CSGALNACT1: variants seen among roughly 807,000 people sequenced by gnomAD.
CSGALNACT1 encodes beta4GalNAcT-1.
In CSGALNACT1, 52 loss-of-function variants were observed where a neutral mutation model predicts 51.0. That is an observed-to-expected ratio of 1.02 (90% CI 0.82 to 1.29). The LOEUF (loss-of-function observed/expected upper bound fraction) is 1.29, where lower values mean the gene tolerates loss of function less well. Among genes scored for constraint, CSGALNACT1 ranks in the 50% most tolerant of loss-of-function variants. CSGALNACT1 has a pLI of 0.00. For missense variants in CSGALNACT1, 935 were observed against 679.2 expected (o/e 1.38, Z -4.19); for synonymous variants, 341 against 254.4 (o/e 1.34, Z -3.24).
At chr8:19,661,854 G>C (rs1317716188) in intron 1 of CSGALNACT1, among the ~76,000 whole-genome samples, 1 of 152,006 alleles carries the variant, frequency 6.6e-6, no homozygotes, top group African/African-American at 2.4e-5. Context: ...CCAGTGTCTG[G>C]GCCTCTATGT....
chr8:19,695,413 G>A (rs1217949427), intron 1 of CSGALNACT1, among the ~76,000 whole-genome samples: 1 of 152,148 alleles, frequency 6.6e-6, no homozygotes, highest in Admixed American at 6.5e-5. Context: ...CTAATTAGCT[G>A]TGCGGCCAGA....
At chr8:19,505,757 G>C (rs769975856) in exon 4 of CSGALNACT1, 2 of 1,614,138 alleles carry the variant, frequency 1.2e-6, no homozygotes, top group East Asian at 4.5e-5. Flanking sequence ...ACAGGACAGA[G>C]ATAGCACAGC....
intron 1 of CSGALNACT1, among the ~76,000 whole-genome samples, chr8:19,640,708 T>C (rs1252591019): frequency 6.6e-6 from 1 of 152,228 alleles, no homozygotes; most frequent in Non-Finnish European, 1.5e-5. Context: ...AGTTTTTCCA[T>C]GAAATTTGGT....
intron 1 of CSGALNACT1, among the ~76,000 whole-genome samples, chr8:19,750,163 C>T (rs922865804): frequency 9.9e-5 from 15 of 152,206 alleles, no homozygotes; most frequent in African/African-American, 3.6e-4. Flanking sequence ...AAAATAGCTT[C>T]TCCCTTACCC....
intron 1 of CSGALNACT1, among the ~76,000 whole-genome samples, chr8:19,610,289 CAAAAAAAA>C (rs58262538): frequency 6.3e-5 from 3 of 47,656 alleles, no homozygotes; most frequent in African/African-American, 1.7e-4. Context: ...GACTCCGTCT[CAAAAAAAA>C]AAAAAAAAAA....
chr8:19,538,405 A>T (rs1317482633), intron 3 of CSGALNACT1, among the ~76,000 whole-genome samples: 1 of 152,212 alleles, frequency 6.6e-6, no homozygotes, highest in East Asian at 1.9e-4. Flanking sequence ...AGACATGAAC[A>T]GACATTTCAC....
At chr8:19,408,949 A>AACACACACACAAACACACACACACAC (rs2054970713) in intron 8 of CSGALNACT1, among the ~76,000 whole-genome samples, 1 of 142,216 alleles carries the variant, frequency 7.0e-6, no homozygotes, top group Non-Finnish European at 1.5e-5. Context: ...TAGATATGAA[A>AACACACACACAAACACACACACACAC]ACACACACAC....
chr8:19,513,436 C>CTCTATATATATATATA lies in CSGALNACT1; in HGVS notation c.-296-7307_-296-7306insTATATATATATATAGA. 4.0e-3 allele frequency among the ~76,000 whole-genome samples: 326 copies of CTCTATATATATATATA among 81,848 alleles called. 1 individual carries two copies. Among genetic ancestry groups the CTCTATATATATATATA allele is most frequent in the Non-Finnish European group, 5.4e-3 (211 of 38,946 alleles). The allele number at this position is 81,848 out of a possible 152,430, so 53.7% of individuals were successfully genotyped here. A position where few individuals can be genotyped will look rare whatever the true frequency, so the allele number is the denominator to read the frequency against. ...TCTCACTCTCTCTCTCTCTCTCTCT[C>CTCTATATATATATATA]TATATATATATATATATATATATAT... On this transcript the variant is annotated intron_variant, in intron 3 of 9. Coordinates refer to ENST00000454498, the Ensembl canonical transcript of CSGALNACT1.
At chr8:19,512,984 T>C (rs942863665) in intron 3 of CSGALNACT1, among the ~76,000 whole-genome samples, 15 of 152,166 alleles carry the variant, frequency 9.9e-5, no homozygotes, top group African/African-American at 3.4e-4. Context: ...CTTCCAGTCA[T>C]TGTCTTTGCA....
chr8:19,748,049 G>T (rs28477812), intron 1 of CSGALNACT1, among the ~76,000 whole-genome samples: 8 of 133,230 alleles, frequency 6.0e-5, no homozygotes, highest in Middle Eastern at 3.8e-3. Flanking sequence ...AGCCATAAAC[G>T]TACTCAAAAA....
At chr8:19,605,738 A>AC (rs1193601018), upstream of CSGALNACT1, among the ~76,000 whole-genome samples, 7 of 152,226 alleles carry the variant, frequency 4.6e-5, no homozygotes, top group Admixed American at 4.6e-4. Flanking sequence ...ACCCTTCCCC[A>AC]CCCCCAAAGA....
At chr8:19,627,833 A>G (rs1015465890) in intron 1 of CSGALNACT1, among the ~76,000 whole-genome samples, 4 of 152,192 alleles carry the variant, frequency 2.6e-5, no homozygotes, top group African/African-American at 9.7e-5. Flanking sequence ...TACCTTTAAA[A>G]AAATAAAGCA....
intron 5 of CSGALNACT1, among the ~76,000 whole-genome samples, chr8:19,456,000 G>C (rs2064013649): frequency 6.6e-6 from 1 of 152,174 alleles, no homozygotes; most frequent in Admixed American, 6.5e-5. Flanking sequence ...AATAGTAAAA[G>C]TCCATATGGT....
rs1345396737 is a variant in CSGALNACT1, at chr8:19,715,765, G to T, written c.-297+42085C>A. Among the ~76,000 whole-genome samples the T allele has an allele frequency of 2.0e-5, 3 of 152,176 alleles. 1 individual carries two copies. Among genetic ancestry groups the T allele is most frequent in the Non-Finnish European group, 4.4e-5 (3 of 68,008 alleles). ...GTTCTGCTAGGTGTCTAGTGTAAGG[G>T]TTTGAGTTGATCTAACTAGGAGTTG... On this transcript the variant is annotated intron_variant, in intron 1 of 1. Coordinates refer to the CSGALNACT1 transcript ENST00000517494.
At chr8:19,527,132 G>A (rs2081880998) in intron 3 of CSGALNACT1, among the ~76,000 whole-genome samples, 1 of 152,200 alleles carries the variant, frequency 6.6e-6, no homozygotes, top group Non-Finnish European at 1.5e-5. Context: ...TACACTGGCA[G>A]TAACAGATCC....
Position 19,513,436 on chromosome 8 carries a change from C to CTCTCTCTATA in CSGALNACT1, c.-296-7307_-296-7306insTATAGAGAGA. The stretch of plus-strand genomic sequence containing the variant: ...TCTCACTCTCTCTCTCTCTCTCTCT[C>CTCTCTCTATA]TATATATATATATATATATATATAT... On this transcript the variant is annotated intron_variant, in intron 3 of 9. Transcript: ENST00000454498. Among the ~76,000 whole-genome samples the CTCTCTCTATA allele has an allele frequency of 4.1e-3, 339 of 81,946 alleles. 1 individual carries two copies. The highest frequency in any genetic ancestry group is 9.5e-3 in the East Asian group (12 of 1,266). 53.8% of individuals were successfully genotyped at this position (81,946 alleles called of 152,430 possible).
At chr8:19,623,466 G>T (rs1341667184) in intron 1 of CSGALNACT1, among the ~76,000 whole-genome samples, 2 of 152,128 alleles carry the variant, frequency 1.3e-5, no homozygotes, top group African/African-American at 4.8e-5. Context: ...AAAATATCCT[G>T]TCACATTTTT....
At chr8:19,405,438 T>G in exon 10 of CSGALNACT1, 1 of 486,896 alleles carries the variant, frequency 2.1e-6, no homozygotes, top group Non-Finnish European at 4.0e-6. Flanking sequence ...TTTACAAAAC[T>G]GCTCTTAAAT....
chr8:19,589,859 A>C (rs1327497257), intron 3 of CSGALNACT1, among the ~76,000 whole-genome samples: 2 of 152,212 alleles, frequency 1.3e-5, no homozygotes, highest in Non-Finnish European at 2.9e-5. Context: ...ATCCACAGAA[A>C]ATAGGCAGTT....
Sources: allele counts gnomAD v4.1 joint callset (sites outside exome capture counted in the v4.1 genomes callset), GRCh38; gene constraint gnomAD v4.1.1; transcripts MANE v1.5; gene names NCBI Gene and HGNC (gene_info 2026-07-23, HGNC 2026-07-21).